Variants in SGCZ observed in about 807,000 individuals in gnomAD.
SGCZ encodes the protein zeta-sarcoglycan.
SGCZ carries 40 observed loss-of-function variants against 41.3 expected under a neutral mutation model. That is an observed-to-expected ratio of 0.97 (90% confidence interval 0.75 to 1.26). The LOEUF is 1.26. Ranked by LOEUF, SGCZ falls within the 50% of genes most tolerant of loss-of-function variation. SGCZ has a pLI of 0.00. For missense variants in SGCZ, 552 were observed against 369.8 expected (o/e 1.49, Z -4.04); for synonymous variants, 206 against 137.5 (o/e 1.50, Z -3.49).
chr8:14,121,934 C>T (rs1478007406), intron 5 of SGCZ, among the ~76,000 whole-genome samples: 1 of 152,088 alleles, frequency 6.6e-6, no homozygotes, highest in African/African-American at 2.4e-5. Flanking sequence ...AATAGCCCTA[C>T]AATGTATACC....
chr8:14,716,397 T>C (rs1809691508), intron 1 of SGCZ, among the ~76,000 whole-genome samples: 1 of 152,060 alleles, frequency 6.6e-6, no homozygotes, highest in Non-Finnish European at 1.5e-5. Flanking sequence ...TAAAGTGATA[T>C]TACATAGCAT....
intron 2 of SGCZ, among the ~76,000 whole-genome samples, chr8:14,377,539 G>C (rs149186233): frequency 5.4e-5 from 8 of 149,440 alleles, no homozygotes; most frequent in African/African-American, 2.0e-4. Flanking sequence ...TTTTTCTTTT[G>C]TTATTATACT....
intron 1 of SGCZ, among the ~76,000 whole-genome samples, chr8:14,594,404 T>A (rs572710461): frequency 6.6e-6 from 1 of 151,918 alleles, no homozygotes; most frequent in Non-Finnish European, 1.5e-5. Context: ...TCTGGGTTCA[T>A]ATAATATTTC....
At chr8:14,797,828 G>A (rs1563276396) in intron 1 of SGCZ, among the ~76,000 whole-genome samples, 1 of 152,346 alleles carries the variant, frequency 6.6e-6, no homozygotes, top group East Asian at 1.9e-4. Flanking sequence ...CCCAGCCATG[G>A]CTTAAAGGGG....
chr8:14,551,572 A>ATATAT (rs1803856382), intron 2 of SGCZ, among the ~76,000 whole-genome samples: 2 of 15,652 alleles, frequency 1.3e-4, no homozygotes, highest in African/African-American at 4.6e-4. Flanking sequence ...TATATATAAT[A>ATATAT]TATATATAAT....
Position 14,808,780 on chromosome 8 carries a change from C to T in SGCZ, c.40-253854G>A, listed in dbSNP as rs1164598331. ...ATGCTGCTATAAAGACACATGCACA[C>T]GTATGTTTATTGTGGCACTATTCAC... On this transcript the variant is annotated intron_variant, in intron 1 of 7. Coordinates refer to ENST00000382080, the MANE Select transcript of SGCZ (RefSeq NM_139167.4). 8.6e-5 allele frequency among the ~76,000 whole-genome samples: 13 copies of T among 151,850 alleles called. No homozygotes were observed. In the East Asian group the frequency reaches 9.7e-4, roughly 11 times the overall value.
chr8:14,879,249 G>A (rs1804485667), intron 1 of SGCZ: 1 of 152,100 alleles, frequency 6.6e-6, no homozygotes, highest in South Asian at 2.1e-4. Flanking sequence ...GATCTCTTAA[G>A]CCTGGGAGAT....
At chr8:14,098,434 T>C (rs12678173) in intron 7 of SGCZ, among the ~76,000 whole-genome samples, 43,119 of 152,104 alleles carry the variant, frequency 0.28, 7,110 homozygotes, top group East Asian at 0.77. Flanking sequence ...GATACACTTG[T>C]GGCTCTCTTC....
rs967907273 is a variant in SGCZ at position 14,554,678 on chromosome 8, C to G, written c.234+54G>C. The G allele has an allele frequency of 1.7e-5, 25 of 1,435,660 alleles. No homozygotes were observed. In the African/African-American group the frequency reaches 2.6e-4, roughly 15 times the overall value. 88.9% of individuals were successfully genotyped at this position (1,435,660 alleles called of 1,614,324 possible). A position where few individuals can be genotyped will look rare whatever the true frequency, so the allele number is the denominator to read the frequency against. ...TGATTAAAAAATTAAAGTAACAGAG[C>G]TAGATTGTCTCTGAACCAAGAGCAA... On this transcript the variant is annotated intron_variant, in intron 2 of 7. Transcript: ENST00000382080.
intron 3 of SGCZ, among the ~76,000 whole-genome samples, chr8:14,279,386 G>C (rs957628252): frequency 6.6e-6 from 1 of 151,916 alleles, no homozygotes; most frequent in Non-Finnish European, 1.5e-5. Context: ...TGCATTTCAG[G>C]TTATCACAAA....
intron 5 of SGCZ, among the ~76,000 whole-genome samples, chr8:14,148,965 AT>A (rs1399217575): frequency 6.6e-6 from 1 of 152,104 alleles, no homozygotes; most frequent in Non-Finnish European, 1.5e-5. Context: ...ATGCTAAAAA[AT>A]AATTCAAAAA....
chr8:14,219,900 C>G (rs1806133670), intron 4 of SGCZ, among the ~76,000 whole-genome samples: 1 of 152,088 alleles, frequency 6.6e-6, no homozygotes, highest in African/African-American at 2.4e-5. Flanking sequence ...GCAGAAAATG[C>G]TTTTCAAGAG....
At chr8:15,122,040 G>A (rs1343537551) in intron 1 of SGCZ, among the ~76,000 whole-genome samples, 1 of 151,276 alleles carries the variant, frequency 6.6e-6, no homozygotes, top group Non-Finnish European at 1.5e-5. Flanking sequence ...TATAAAAATA[G>A]ACAATGACTA....
intron 2 of SGCZ, among the ~76,000 whole-genome samples, chr8:14,452,750 T>C (rs2116930402): frequency 6.6e-6 from 1 of 152,192 alleles, no homozygotes; most frequent in South Asian, 2.1e-4. Context: ...AATCAAAATA[T>C]TCTGTTAAAA....
chr8:14,939,676 C>T (rs746981626), intron 1 of SGCZ, among the ~76,000 whole-genome samples: 3 of 152,038 alleles, frequency 2.0e-5, no homozygotes, highest in African/African-American at 4.8e-5. Context: ...TCATTTTGTA[C>T]GAGCTCATAA....
At chr8:15,064,489 T>G (rs1296514961) in intron 1 of SGCZ, among the ~76,000 whole-genome samples, 1 of 151,104 alleles carries the variant, frequency 6.6e-6, no homozygotes, top group Non-Finnish European at 1.5e-5. Context: ...ACCTTGTATT[T>G]ATTTTATCTG....
intron 2 of SGCZ, among the ~76,000 whole-genome samples, chr8:14,411,425 G>C (rs552689081): frequency 1.3e-5 from 2 of 152,062 alleles, no homozygotes; most frequent in Admixed American, 6.6e-5. Context: ...GAAAAATCTT[G>C]GTTCATTACA....
intron 1 of SGCZ, among the ~76,000 whole-genome samples, chr8:14,769,776 CAA>C: frequency 1.2e-5 from 1 of 81,064 alleles, no homozygotes; most frequent in Admixed American, 1.6e-4. Context: ...TCCTGGGCGA[CAA>C]GAGCAAAACA....
intron 2 of SGCZ, among the ~76,000 whole-genome samples, chr8:14,501,986 C>T (rs187585301): frequency 1.3e-5 from 2 of 152,050 alleles, no homozygotes; most frequent in East Asian, 3.9e-4. Flanking sequence ...AATCATTTGA[C>T]AGGATTAGTT....
Sources: allele counts gnomAD v4.1 joint callset (sites outside exome capture counted in the v4.1 genomes callset), GRCh38; gene constraint gnomAD v4.1.1; transcripts MANE v1.5; gene names NCBI Gene and HGNC (gene_info 2026-07-23, HGNC 2026-07-21).